The following SLC1A2 variants were observed in gnomAD, a reference collection of about 807,000 sequenced individuals.
SLC1A2 encodes the protein solute carrier family 1 member 2.
A neutral mutation model predicts 48.8 loss-of-function variants in SLC1A2; 15 were observed. That is an observed-to-expected ratio of 0.31 (90% CI 0.21 to 0.47). The LOEUF (loss-of-function observed/expected upper bound fraction) is 0.47. Ranked by LOEUF, SLC1A2 falls within the 20% of genes least tolerant of loss-of-function variation. The probability of loss-of-function intolerance (pLI) is 0.99; values close to 1 mark genes in which losing one functional copy is unlikely to be tolerated. For synonymous variants in SLC1A2, 279 were observed against 272.6 expected (o/e 1.02, Z -0.23); for missense variants, 502 against 730.5 (o/e 0.69, Z 3.61).
chr11:35,326,792 G>A (rs1852265865), intron 1 of SLC1A2, among the ~76,000 whole-genome samples: 1 of 152,106 alleles, frequency 6.6e-6, no homozygotes, highest in African/African-American at 2.4e-5. Context: ...CCCACTTCTG[G>A]CTCCCAGAGA....
chr11:35,308,517 G>A (rs1851584750), intron 4 of SLC1A2, among the ~76,000 whole-genome samples: 2 of 152,138 alleles, frequency 1.3e-5, no homozygotes, highest in Non-Finnish European at 2.9e-5. Flanking sequence ...CTGGAGACTG[G>A]GAAGTACACA....
rs112611667 is a variant in SLC1A2, at chr11:35,349,085, G to A, written c.18-31569C>T. Reference sequence around the variant, plus strand: ...CTCAGAGCAGGATGGGAGTGGCAAGGTTCCAAAACAGGTGGACATAGAGGG... The same window carrying A: ...CTCAGAGCAGGATGGGAGTGGCAAGATTCCAAAACAGGTGGACATAGAGGG... On this transcript the variant is annotated intron_variant, in intron 1 of 10. Coordinates refer to ENST00000278379, the MANE Select transcript of SLC1A2 (RefSeq NM_004171.4). Among the ~76,000 whole-genome samples the A allele has an allele frequency of 4.8e-3, 731 of 152,154 alleles. 1 individual carries two copies. The highest frequency in any genetic ancestry group is 0.024 in the Middle Eastern group (7 of 294).
At chr11:35,350,316 T>A (rs1198750487) in intron 1 of SLC1A2, among the ~76,000 whole-genome samples, 1 of 152,236 alleles carries the variant, frequency 6.6e-6, no homozygotes, top group Non-Finnish European at 1.5e-5. Flanking sequence ...TTGTTTTATC[T>A]TGTAGGATAT....
intron 9 of SLC1A2, among the ~76,000 whole-genome samples, chr11:35,279,587 A>G (rs892789603): frequency 2.0e-5 from 3 of 152,106 alleles, no homozygotes; most frequent in African/African-American, 7.2e-5. Context: ...CATACACCTG[A>G]GAAACTTTTA....
chr11:35,288,682 T>G (rs112889311), intron 7 of SLC1A2, among the ~76,000 whole-genome samples: 135 of 148,690 alleles, frequency 9.1e-4, no homozygotes, highest in African/African-American at 1.3e-3. Flanking sequence ...TTAAGTCGAC[T>G]GGGAAAAATG....
intron 1 of SLC1A2, among the ~76,000 whole-genome samples, chr11:35,328,907 A>C (rs1852334441): frequency 6.6e-6 from 1 of 152,336 alleles, no homozygotes; most frequent in South Asian, 2.1e-4. Flanking sequence ...ACTTGTTAAA[A>C]ATACAGATCT....
chr11:35,310,103 C>A (rs1851642552), intron 4 of SLC1A2, among the ~76,000 whole-genome samples: 1 of 152,180 alleles, frequency 6.6e-6, no homozygotes. Context: ...AAGTTCACTC[C>A]AAGACCAGAG....
At chr11:35,408,509 G>A (rs758629125) in intron 1 of SLC1A2, among the ~76,000 whole-genome samples, 22 of 152,154 alleles carry the variant, frequency 1.4e-4, no homozygotes, top group Admixed American at 2.6e-4. Flanking sequence ...TCTTGCTGCC[G>A]CCATGTAAGA....
chr11:35,322,733 T>C, intron 1 of SLC1A2: 2 of 971,986 alleles, frequency 2.1e-6, no homozygotes, highest in Non-Finnish European at 3.2e-6. Context: ...CGTAAGACAG[T>C]TGTTGTATTT....
At chr11:35,265,159 G>C (rs896096091) in intron 10 of SLC1A2, 1 of 266,832 alleles carries the variant, frequency 3.7e-6, no homozygotes, top group African/African-American at 2.2e-5. Flanking sequence ...TAGCCAGGAT[G>C]GTCTTGATCT....
intron 9 of SLC1A2, among the ~76,000 whole-genome samples, chr11:35,275,547 G>T (rs902566043): frequency 6.6e-6 from 1 of 152,156 alleles, no homozygotes; most frequent in African/African-American, 2.4e-5. Flanking sequence ...AGTGCTCTGG[G>T]ACTCGGCATT....
At chr11:35,364,518 T>G (rs1301847818) in intron 1 of SLC1A2, among the ~76,000 whole-genome samples, 13 of 152,216 alleles carry the variant, frequency 8.5e-5, no homozygotes, top group Admixed American at 8.5e-4. Flanking sequence ...TTGATTTTCT[T>G]TTCAAAGAGC....
intron 1 of SLC1A2, among the ~76,000 whole-genome samples, chr11:35,326,843 A>C (rs1852266938): frequency 6.6e-6 from 1 of 152,102 alleles, no homozygotes; most frequent in Admixed American, 6.5e-5. Flanking sequence ...TTTGGATTCC[A>C]CCCAAGGACC....
chr11:35,261,044 C>A (rs1950386978), intron 10 of SLC1A2, 79 bp from the exon 11 acceptor site: 2 of 977,998 alleles, frequency 2.0e-6, no homozygotes, highest in Non-Finnish European at 1.7e-6. Context: ...GGAGAAGCAC[C>A]AAATCCAAGA....
intron 7 of SLC1A2, among the ~76,000 whole-genome samples, chr11:35,287,248 T>C (rs1308923130): frequency 6.6e-6 from 1 of 150,930 alleles, no homozygotes; most frequent in Non-Finnish European, 1.5e-5. Context: ...TTGGATTCGA[T>C]ATTGAAGTGC....
At chr11:35,284,112 A>ATATATATATATATATATATATATAT (rs1355573961) in intron 8 of SLC1A2, among the ~76,000 whole-genome samples, 23 of 91,366 alleles carry the variant, frequency 2.5e-4, no homozygotes, top group Admixed American at 4.8e-4. Context: ...TATATATATA[A>ATATATATATATATATATATATATAT]ATTATTATTT....
rs774481790 is a variant in SLC1A2, at chr11:35,312,453, A to C, written c.311-5T>G. On this transcript the variant is annotated splice_polypyrimidine_tract_variant and splice_region_variant and intron_variant, in intron 3 of 10. Coordinates refer to ENST00000278379, the MANE Select transcript of SLC1A2 (RefSeq NM_004171.4). ...TAGCATCCAGGCCTGACAACCCTGG[A>C]TTGAAAAGAAATGCAGAAGGATTAA... 6.2e-7 allele frequency: 1 copy of C among 1,613,672 alleles called. No individual in the cohort carries two copies.
At chr11:35,366,814 G>C (rs1176011089) in intron 1 of SLC1A2, among the ~76,000 whole-genome samples, 1 of 152,216 alleles carries the variant, frequency 6.6e-6, no homozygotes. Context: ...TCTGGTTTAA[G>C]AGAGGTGTGG....
At position 35,252,652 on chromosome 11, in the gene SLC1A2, A is replaced by C. The variant is rs1473769350; in HGVS notation, c.*8242T>G. 1 of 152,294 alleles carries C rather than the reference A, an allele frequency of 6.6e-6. No individual in the cohort carries two copies. Among genetic ancestry groups the C allele is most frequent in the Non-Finnish European group, 1.5e-5 (1 of 68,042 alleles). The allele number at this position is 152,294 out of a possible 1,614,324, so 9.4% of individuals were successfully genotyped here. A position where few individuals can be genotyped will look rare whatever the true frequency, so the allele number is the denominator to read the frequency against. On this transcript the variant is annotated 3_prime_UTR_variant, in exon 11 of 11. Coordinates refer to ENST00000278379, the MANE Select transcript of SLC1A2 (RefSeq NM_004171.4). ...ATATTCCCAAGCCACACTGAGAAAGAGGAGAAATGATTCACGACTAGTTAT... is the reference window on the plus strand; with the variant it reads ...ATATTCCCAAGCCACACTGAGAAAGCGGAGAAATGATTCACGACTAGTTAT...
Sources: gnomAD v4.1 joint callset for allele counts (sites outside exome capture counted in the v4.1 genomes callset) on GRCh38, gnomAD v4.1.1 for gene constraint, MANE v1.5 for transcripts, NCBI Gene and HGNC (gene_info 2026-07-23, HGNC 2026-07-21) for gene names.